The following GALNT1 variants were observed in gnomAD, a reference collection of about 807,000 sequenced individuals.
GALNT1 encodes the protein polypeptide N-acetylgalactosaminyltransferase 1.
GALNT1 carries 17 observed loss-of-function variants against 65.7 expected under a neutral mutation model. That is an observed-to-expected ratio of 0.26 (90% CI 0.18 to 0.39). The LOEUF (loss-of-function observed/expected upper bound fraction) is 0.39, where lower values mean the gene tolerates loss of function less well. Ranked by LOEUF, GALNT1 falls within the 10% of genes least tolerant of loss-of-function variation. The pLI, the probability that GALNT1 is intolerant of heterozygous loss-of-function variation, is 1.00. For missense variants in GALNT1, 460 were observed against 672.8 expected (o/e 0.68, Z 3.50); for synonymous variants, 210 against 219.7 (o/e 0.96, Z 0.39).
intron 9 of GALNT1, among the ~76,000 whole-genome samples, chr18:35,692,903 C>T (rs1457973682): frequency 6.6e-6 from 1 of 152,178 alleles, no homozygotes; most frequent in East Asian, 1.9e-4. Flanking sequence ...AAGGTTGTCA[C>T]TTCTTCAGTC....
chr18:35,619,665 G>A (rs928369113), intron 1 of GALNT1, among the ~76,000 whole-genome samples: 8 of 152,174 alleles, frequency 5.3e-5, no homozygotes, highest in African/African-American at 1.9e-4. Flanking sequence ...ATCCAAACTG[G>A]CAGTGGCAGT....
chr18:35,649,841 T>C (rs1182061149), intron 1 of GALNT1, among the ~76,000 whole-genome samples: 1 of 152,228 alleles, frequency 6.6e-6, no homozygotes, highest in Non-Finnish European at 1.5e-5. Context: ...TCCATAACAA[T>C]GGACTGTATA....
intron 1 of GALNT1, among the ~76,000 whole-genome samples, chr18:35,588,185 G>C (rs2046398950): frequency 6.6e-6 from 1 of 152,184 alleles, no homozygotes; most frequent in South Asian, 2.1e-4. Flanking sequence ...ACTGTGGAGA[G>C]AGAAGGCCAG....
At chr18:35,584,694 C>T (rs576352263) in intron 1 of GALNT1, among the ~76,000 whole-genome samples, 4 of 152,348 alleles carry the variant, frequency 2.6e-5, no homozygotes, top group Admixed American at 1.3e-4. Flanking sequence ...GAAACCGTTA[C>T]ACCTCAGATC....
At chr18:35,610,467 G>A (rs2046703787) in intron 1 of GALNT1, among the ~76,000 whole-genome samples, 1 of 152,170 alleles carries the variant, frequency 6.6e-6, no homozygotes, top group South Asian at 2.1e-4. Context: ...ATGAGAGCAG[G>A]GACCTTGTCT....
intron 1 of GALNT1, among the ~76,000 whole-genome samples, chr18:35,627,160 A>G (rs2046929116): frequency 6.6e-6 from 1 of 152,246 alleles, no homozygotes; most frequent in Non-Finnish European, 1.5e-5. Context: ...ACAGTTTCCT[A>G]AGAGGGAGAG....
intron 5 of GALNT1, among the ~76,000 whole-genome samples, chr18:35,683,901 C>T (rs939534878): frequency 3.9e-5 from 6 of 152,208 alleles, no homozygotes; most frequent in African/African-American, 1.4e-4. Context: ...TCAGGGAAGA[C>T]AGCATAAAAC....
At chr18:35,654,067 A>C (rs957329689) in intron 1 of GALNT1, among the ~76,000 whole-genome samples, 2 of 152,208 alleles carry the variant, frequency 1.3e-5, no homozygotes, top group Non-Finnish European at 2.9e-5. Context: ...GGACAGTTGA[A>C]ATGCACTGGG....
Position 35,709,830 on chromosome 18 carries a change from T to G in GALNT1, c.*60T>G. The G allele has an allele frequency of 6.3e-7, 1 of 1,581,340 alleles. No homozygotes were observed. The highest frequency in any genetic ancestry group is 8.6e-7 in the Non-Finnish European group (1 of 1,158,052). ...TTGACTGGGCTACCTCAGCATACATTTCTGCCACATTCTTAAGTAGCAAAA... is the reference window on the plus strand; with the variant it reads ...TTGACTGGGCTACCTCAGCATACATGTCTGCCACATTCTTAAGTAGCAAAA... On this transcript the variant is annotated 3_prime_UTR_variant, in exon 12 of 12. Transcript: ENST00000269195.
At position 35,691,168 on chromosome 18, in the gene GALNT1, A is replaced by C. The variant is rs144282744; in HGVS notation, c.1135A>C (p.Asn379His). The C allele has an allele frequency of 1.2e-6, 2 of 1,605,096 alleles. No homozygotes were observed. The highest frequency in any genetic ancestry group is 2.7e-5 in the African/African-American group (2 of 74,256). The stretch of plus-strand genomic sequence containing the variant: ...AGAAGTGTGGATGGATGAATTCAAG[A>C]ATTTCTTCTATATAATTTCTCCAGG... Reference protein sequence around the residue: ...LAEVWMDEFKNFFYIISPGVT... With the variant: ...LAEVWMDEFKHFFYIISPGVT... The change falls in exon 8 of 12, where the codon AAT becomes CAT. Residue 379 changes from asparagine to histidine, a missense_variant. Transcript: ENST00000269195.
chr18:35,602,077 T>C (rs1323421228), intron 1 of GALNT1, among the ~76,000 whole-genome samples: 1 of 152,178 alleles, frequency 6.6e-6, no homozygotes, highest in Non-Finnish European at 1.5e-5. Context: ...GTAAATACCT[T>C]TAGTTTTGTT....
chr18:35,655,712 G>C (rs966075028), intron 2 of GALNT1, among the ~76,000 whole-genome samples: 1 of 151,754 alleles, frequency 6.6e-6, no homozygotes, highest in South Asian at 2.1e-4. Context: ...ATACTTTTAT[G>C]ATGAGAAGGG....
chr18:35,695,256 A>C (rs1253716123), intron 9 of GALNT1, among the ~76,000 whole-genome samples: 1 of 142,308 alleles, frequency 7.0e-6, no homozygotes, highest in Non-Finnish European at 1.5e-5. Context: ...TCTGTACACA[A>C]GTAGAGGGTG....
intron 1 of GALNT1, among the ~76,000 whole-genome samples, chr18:35,620,024 C>T (rs1255544177): frequency 6.6e-6 from 1 of 152,138 alleles, no homozygotes; most frequent in African/African-American, 2.4e-5. Flanking sequence ...TTGGCAGCAT[C>T]GCAAAGGTCC....
chr18:35,698,228 GA>G (rs1419084209), intron 9 of GALNT1, among the ~76,000 whole-genome samples: 1 of 152,204 alleles, frequency 6.6e-6, no homozygotes, highest in Non-Finnish European at 1.5e-5. Flanking sequence ...AGCACTTTGG[GA>G]AGCCGAGGTG....
At chr18:35,625,784 T>C (rs1039657065) in intron 1 of GALNT1, among the ~76,000 whole-genome samples, 2 of 152,160 alleles carry the variant, frequency 1.3e-5, no homozygotes, top group African/African-American at 4.8e-5. Flanking sequence ...TCTGAGTTCA[T>C]AGTGGGCAGA....
intron 11 of GALNT1, among the ~76,000 whole-genome samples, chr18:35,707,316 T>G (rs915827338): frequency 6.6e-6 from 1 of 152,220 alleles, no homozygotes; most frequent in South Asian, 2.1e-4. Flanking sequence ...TATCCTCTCC[T>G]TCAAAGGTTA....
At chr18:35,676,023 T>G (rs1276511090) in intron 3 of GALNT1, among the ~76,000 whole-genome samples, 1 of 152,180 alleles carries the variant, frequency 6.6e-6, no homozygotes, top group Non-Finnish European at 1.5e-5. Flanking sequence ...TGGGAAACTA[T>G]TTTCAGAAGT....
chr18:35,606,161 A>G (rs1047021823), intron 1 of GALNT1, among the ~76,000 whole-genome samples: 8 of 152,176 alleles, frequency 5.3e-5, no homozygotes, highest in African/African-American at 1.9e-4. Context: ...TGCCAGCACC[A>G]TTGTAGAAGG....
Sources: allele counts gnomAD v4.1 joint callset (sites outside exome capture counted in the v4.1 genomes callset), GRCh38; gene constraint gnomAD v4.1.1; transcripts MANE v1.5; gene names NCBI Gene and HGNC (gene_info 2026-07-23, HGNC 2026-07-21).